KCNK10: variants seen among roughly 807,000 people sequenced by gnomAD.
The protein encoded by KCNK10 is potassium channel subfamily K member 10.
Under a neutral mutation model 47.7 loss-of-function variants are expected in KCNK10, and 25 were observed. That is an observed-to-expected ratio of 0.52 (90% CI 0.38 to 0.73). The LOEUF (loss-of-function observed/expected upper bound fraction) is 0.73. Among genes scored for constraint, KCNK10 ranks in the 30% least tolerant of loss-of-function variants. KCNK10 has a pLI of 0.00. For synonymous variants in KCNK10, 303 were observed against 285.6 expected (o/e 1.06, Z -0.61); for missense variants, 563 against 714.5 (o/e 0.79, Z 2.42).
At chr14:88,313,117 G>A (rs1888359859) in intron 1 of KCNK10, among the ~76,000 whole-genome samples, 1 of 152,182 alleles carries the variant, frequency 6.6e-6, no homozygotes, top group African/African-American at 2.4e-5. Context: ...GTAACTTTGG[G>A]CAAGTTACTT....
chr14:88,302,060 G>A (rs934533576), intron 1 of KCNK10, among the ~76,000 whole-genome samples: 2 of 152,156 alleles, frequency 1.3e-5, no homozygotes, highest in African/African-American at 4.8e-5. Context: ...TTCTGGATGT[G>A]TTCTAGATAT....
Position 88,300,245 on chromosome 14 carries a change from C to T in KCNK10, c.52+22502G>A, listed in dbSNP as rs73329864. 7.0e-3 allele frequency among the ~76,000 whole-genome samples: 1,072 copies of T among 152,324 alleles called. 19 individuals carry two copies. The highest frequency in any genetic ancestry group is 0.025 in the African/African-American group (1,032 of 41,568). On this transcript the variant is annotated intron_variant, in intron 1 of 6. Coordinates refer to ENST00000319231, the MANE Select transcript of KCNK10 (RefSeq NM_138317.3). The stretch of plus-strand genomic sequence containing the variant: ...TTCTCCACCAATCCACATACATTCC[C>T]TTCCCTGAGTAACGAAAGTTCAAAA...
intron 3 of KCNK10, among the ~76,000 whole-genome samples, chr14:88,232,790 A>G (rs1230803439): frequency 6.6e-6 from 1 of 152,224 alleles, no homozygotes; most frequent in African/African-American, 2.4e-5. Flanking sequence ...GTTTTGCAGT[A>G]GTTTCCTGTT....
chr14:88,220,963 T>TA (rs1885790247), intron 4 of KCNK10, among the ~76,000 whole-genome samples: 1 of 151,182 alleles, frequency 6.6e-6, no homozygotes, highest in African/African-American at 2.4e-5. Context: ...ATATACTAGA[T>TA]AAAAAATGCA....
intron 1 of KCNK10, among the ~76,000 whole-genome samples, chr14:88,308,734 CAG>C (rs1457190821): frequency 1.3e-5 from 2 of 152,240 alleles, no homozygotes; most frequent in African/African-American, 4.8e-5. Flanking sequence ...GCACAAGCCA[CAG>C]AGTCCTAATT....
chr14:88,253,492 A>G (rs1381959049), intron 2 of KCNK10, among the ~76,000 whole-genome samples: 1 of 152,222 alleles, frequency 6.6e-6, no homozygotes, highest in East Asian at 1.9e-4. Context: ...AATACATACA[A>G]TTATTATAGG....
intron 1 of KCNK10, among the ~76,000 whole-genome samples, chr14:88,302,332 A>C (rs905520775): frequency 2.6e-5 from 4 of 152,236 alleles, no homozygotes; most frequent in Non-Finnish European, 4.4e-5. Flanking sequence ...CCTCAGGTCT[A>C]ACTATTTGGG....
chr14:88,278,302 G>A lies in KCNK10; in HGVS notation c.53-14751C>T, dbSNP rs429776. ...AGGATTAATCCCGTCTTCCCCATAT[G>A]AGAAGTGTCCCTTCTCCTAGACCCT... On this transcript the variant is annotated intron_variant, in intron 1 of 6. Coordinates refer to ENST00000319231, the MANE Select transcript of KCNK10 (RefSeq NM_138317.3). Among the ~76,000 whole-genome samples, 12 of 152,320 alleles carry A rather than the reference G, an allele frequency of 7.9e-5. No homozygotes were observed. In the East Asian group the frequency reaches 2.3e-3, roughly 29 times the overall value.
At chr14:88,212,443 A>T (rs1885491943) in intron 4 of KCNK10, among the ~76,000 whole-genome samples, 1 of 151,946 alleles carries the variant, frequency 6.6e-6, no homozygotes, top group Non-Finnish European at 1.5e-5. Flanking sequence ...TCCATCTCAA[A>T]AAAAGAAAAA....
intron 1 of KCNK10, among the ~76,000 whole-genome samples, chr14:88,268,923 A>T (rs1887339006): frequency 6.6e-6 from 1 of 152,176 alleles, no homozygotes; most frequent in Non-Finnish European, 1.5e-5. Flanking sequence ...GCACTTTGGG[A>T]GGCTGGGAGT....
At chr14:88,241,111 C>T (rs1442945048) in intron 2 of KCNK10, among the ~76,000 whole-genome samples, 2 of 152,194 alleles carry the variant, frequency 1.3e-5, no homozygotes, top group African/African-American at 4.8e-5. Context: ...CAAAATGTTA[C>T]AAGTTTCTGT....
chr14:88,243,622 GC>G (rs1212827004), intron 2 of KCNK10, among the ~76,000 whole-genome samples: 1 of 152,102 alleles, frequency 6.6e-6, no homozygotes, highest in East Asian at 1.9e-4. Context: ...ACTTCACTTG[GC>G]TGTTGAAGCT....
intron 4 of KCNK10, among the ~76,000 whole-genome samples, chr14:88,206,462 GAC>G (rs1443621516): frequency 2.0e-5 from 3 of 152,150 alleles, no homozygotes; most frequent in Admixed American, 6.5e-5. Flanking sequence ...TACATGTGAA[GAC>G]ACACACACAA....
chr14:88,231,150 CACA>C (rs1428860782), intron 3 of KCNK10, among the ~76,000 whole-genome samples: 1 of 152,058 alleles, frequency 6.6e-6, no homozygotes, highest in African/African-American at 2.4e-5. Context: ...CATGGTGGTG[CACA>C]ACTATAGTTC....
intron 1 of KCNK10, among the ~76,000 whole-genome samples, chr14:88,302,553 T>C (rs1182777770): frequency 6.6e-6 from 1 of 151,950 alleles, no homozygotes; most frequent in Non-Finnish European, 1.5e-5. Flanking sequence ...CTACTAAAAA[T>C]ACAAAAATTA....
chr14:88,236,655 C>T (rs539569178), intron 3 of KCNK10, among the ~76,000 whole-genome samples: 1 of 152,342 alleles, frequency 6.6e-6, no homozygotes, highest in Non-Finnish European at 1.5e-5. Context: ...AGTTAGACTT[C>T]AGACCACCAC....
chr14:88,306,233 T>C (rs1321401812), intron 1 of KCNK10, among the ~76,000 whole-genome samples: 1 of 152,150 alleles, frequency 6.6e-6, no homozygotes, highest in East Asian at 1.9e-4. Flanking sequence ...AACAAGCACA[T>C]AACCACTACC....
chr14:88,191,512 C>A (rs771782161), intron 5 of KCNK10, among the ~76,000 whole-genome samples: 5 of 152,214 alleles, frequency 3.3e-5, no homozygotes, highest in East Asian at 3.8e-4. Context: ...TCTATCCGTA[C>A]CTTTCTACCA....
rs1234400899 is a variant in KCNK10, at chr14:88,182,306, T to C, written c.*3229A>G. On this transcript the variant is annotated 3_prime_UTR_variant, in exon 7 of 7. Transcript: ENST00000319231. Reference sequence around the variant, plus strand: ...TCTTTCTTTGTGTGAAATCGAAACATTTCTCCTAGGTTTATGCTGGAATGG... The same window carrying C: ...TCTTTCTTTGTGTGAAATCGAAACACTTCTCCTAGGTTTATGCTGGAATGG... The C allele has an allele frequency of 6.6e-6, 1 of 152,198 alleles. No homozygotes were observed. Among genetic ancestry groups the C allele is most frequent in the African/African-American group, 2.4e-5 (1 of 41,394 alleles). 9.4% of individuals were successfully genotyped at this position (152,198 alleles called of 1,614,324 possible).
Sources: allele counts gnomAD v4.1 joint callset (sites outside exome capture counted in the v4.1 genomes callset), GRCh38; gene constraint gnomAD v4.1.1; transcripts MANE v1.5; gene names NCBI Gene and HGNC (gene_info 2026-07-23, HGNC 2026-07-21).